NCALD: variants seen among roughly 807,000 people sequenced by gnomAD.
NCALD encodes neurocalcin-delta.
Under a neutral mutation model 18.6 loss-of-function variants are expected in NCALD, and 10 were observed. The ratio of observed to expected loss-of-function variants is 0.54; its 90% CI spans 0.33 to 0.91. The LOEUF is 0.91. NCALD is among the 40% of genes least tolerant of loss of function. The pLI is 0.03. For missense variants in NCALD, 184 were observed against 247.6 expected (o/e 0.74, Z 1.72); for synonymous variants, 88 against 87.4 (o/e 1.01, Z -0.04).
intron 1 of NCALD, among the ~76,000 whole-genome samples, chr8:102,066,033 T>C (rs1823997642): frequency 2.6e-5 from 4 of 152,194 alleles, no homozygotes; most frequent in Non-Finnish European, 5.9e-5. Context: ...CAGCTATTAG[T>C]TTCACCCTCC....
chr8:101,952,776 C>A (rs1819480215), intron 2 of NCALD, among the ~76,000 whole-genome samples: 1 of 152,190 alleles, frequency 6.6e-6, no homozygotes, highest in South Asian at 2.1e-4. Flanking sequence ...TTCCCTGGGA[C>A]TAATTTTTTC....
chr8:101,799,197 A>AT (rs1338888761), intron 4 of NCALD, among the ~76,000 whole-genome samples: 2 of 152,218 alleles, frequency 1.3e-5, no homozygotes, highest in Non-Finnish European at 2.9e-5. Context: ...ATAAAAAAAA[A>AT]TTTTCAACAT....
At chr8:101,749,610 G>A (rs1378217588) in intron 1 of NCALD, among the ~76,000 whole-genome samples, 4 of 152,150 alleles carry the variant, frequency 2.6e-5, no homozygotes, top group Non-Finnish European at 2.9e-5. Context: ...ATACAAGGTT[G>A]TATAAAGAAA....
intron 1 of NCALD, chr8:101,750,640 T>C (rs1346320323): frequency 2.6e-5 from 4 of 152,304 alleles, no homozygotes; most frequent in African/African-American, 7.2e-5. Flanking sequence ...GCTTCAGTTC[T>C]AGAGACAAGG....
chr8:101,982,010 G>C (rs1268013357), intron 2 of NCALD, among the ~76,000 whole-genome samples: 1 of 152,080 alleles, frequency 6.6e-6, no homozygotes, highest in Non-Finnish European at 1.5e-5. Flanking sequence ...CGTGAGATCT[G>C]ATTGTTGGAA....
intron 2 of NCALD, among the ~76,000 whole-genome samples, chr8:102,018,755 C>T (rs1211615345): frequency 6.6e-6 from 1 of 152,114 alleles, no homozygotes; most frequent in Non-Finnish European, 1.5e-5. Flanking sequence ...GTAACCCTAA[C>T]CAAAATAGAC....
intron 2 of NCALD, among the ~76,000 whole-genome samples, chr8:101,711,031 G>A (rs1266182011): frequency 6.6e-6 from 1 of 152,166 alleles, no homozygotes; most frequent in African/African-American, 2.4e-5. Context: ...CTGGCACCTG[G>A]CCAGGTGCCC....
At chr8:102,108,267 G>A (rs1406330236) in intron 1 of NCALD, among the ~76,000 whole-genome samples, 2 of 152,176 alleles carry the variant, frequency 1.3e-5, no homozygotes, top group Non-Finnish European at 2.9e-5. Context: ...CAGCCAAGGG[G>A]GGAAAAATAC....
At chr8:102,038,979 C>T (rs1586962760) in intron 1 of NCALD, among the ~76,000 whole-genome samples, 1 of 152,140 alleles carries the variant, frequency 6.6e-6, no homozygotes, top group Non-Finnish European at 1.5e-5. Flanking sequence ...GACTACTTGG[C>T]AAGGAATCAC....
At chr8:101,793,619 G>T (rs1812530294), upstream of NCALD, among the ~76,000 whole-genome samples, 1 of 152,182 alleles carries the variant, frequency 6.6e-6, no homozygotes, top group Admixed American at 6.5e-5. Flanking sequence ...CCCAAATGTA[G>T]TTGAAAGTAT....
At chr8:101,725,509 A>G (rs1218596779) in intron 1 of NCALD, among the ~76,000 whole-genome samples, 2 of 152,138 alleles carry the variant, frequency 1.3e-5, no homozygotes, top group Non-Finnish European at 2.9e-5. Flanking sequence ...GATGCCAAAC[A>G]AGAACCCGGG....
At chr8:101,699,675 A>C (rs750014733) in intron 2 of NCALD, among the ~76,000 whole-genome samples, 1 of 152,098 alleles carries the variant, frequency 6.6e-6, no homozygotes, top group Non-Finnish European at 1.5e-5. Flanking sequence ...AAAACCAAAC[A>C]CCACATATTC....
At chr8:102,043,231 C>T (rs1823114787) in intron 1 of NCALD, among the ~76,000 whole-genome samples, 1 of 152,020 alleles carries the variant, frequency 6.6e-6, no homozygotes, top group South Asian at 2.1e-4. Context: ...GTTCTTCACC[C>T]ATTTCCATTT....
chr8:101,760,122 G>C (rs1268022238), intron 1 of NCALD, among the ~76,000 whole-genome samples: 1 of 152,136 alleles, frequency 6.6e-6, no homozygotes, highest in Non-Finnish European at 1.5e-5. Context: ...ACACAGATTA[G>C]GTCTGGTTAG....
intron 1 of NCALD, among the ~76,000 whole-genome samples, chr8:102,081,325 A>G (rs1040528788): frequency 6.6e-6 from 1 of 152,110 alleles, no homozygotes; most frequent in African/African-American, 2.4e-5. Context: ...ATTCAAATAT[A>G]TTTACACATT....
chr8:101,875,398 C>A (rs968468224), intron 4 of NCALD, among the ~76,000 whole-genome samples: 1 of 152,198 alleles, frequency 6.6e-6, no homozygotes, highest in Non-Finnish European at 1.5e-5. Context: ...GTATTCTTCT[C>A]AAGAATAGGC....
At chr8:101,888,114 T>C (rs1231228984) in intron 3 of NCALD, among the ~76,000 whole-genome samples, 3 of 152,148 alleles carry the variant, frequency 2.0e-5, no homozygotes, top group Admixed American at 6.6e-5. Context: ...ATATATCAAA[T>C]GGCTTAAACT....
intron 1 of NCALD, among the ~76,000 whole-genome samples, chr8:102,115,375 T>C (rs1010767466): frequency 2.0e-5 from 3 of 152,190 alleles, no homozygotes; most frequent in Admixed American, 2.0e-4. Flanking sequence ...CAAAATTAGC[T>C]GCCCCCTAGA....
At chr8:101,730,479 CAAA>C (rs869241027) in intron 1 of NCALD, among the ~76,000 whole-genome samples, 77 of 43,638 alleles carry the variant, frequency 1.8e-3, no homozygotes, top group African/African-American at 5.7e-3. Context: ...GACTCCATCT[CAAA>C]AAAAAAAAAA....
Sources: gnomAD v4.1 joint callset for allele counts (sites outside exome capture counted in the v4.1 genomes callset) on GRCh38, gnomAD v4.1.1 for gene constraint, MANE v1.5 for transcripts, NCBI Gene and HGNC (gene_info 2026-07-23, HGNC 2026-07-21) for gene names.